Variants in RPS6KC1 observed in about 807,000 individuals in gnomAD.
The protein encoded by RPS6KC1 is inactive ribosomal protein S6 kinase delta-1.
Under a neutral mutation model 103.8 loss-of-function variants are expected in RPS6KC1, and 54 were observed. The observed-to-expected ratio is 0.52, with a 90% CI of 0.42 to 0.65. The LOEUF (loss-of-function observed/expected upper bound fraction) is 0.65. Among genes scored for constraint, RPS6KC1 ranks in the 30% least tolerant of loss-of-function variants. The pLI, the probability that RPS6KC1 is intolerant of heterozygous loss-of-function variation, is 0.00. For synonymous variants in RPS6KC1, 439 were observed against 438.7 expected, an observed-to-expected ratio of 1.00 and a Z score of -0.01; for missense variants, 1,151 against 1,253.8, an observed-to-expected ratio of 0.92 and a Z score of 1.24.
chr1:213,163,131 A>AG (rs993861298), intron 6 of RPS6KC1, among the ~76,000 whole-genome samples: 1 of 152,242 alleles, frequency 6.6e-6, no homozygotes, highest in Non-Finnish European at 1.5e-5. Context: ...CTTAAAAAAA[A>AG]CTAACTGTAA....
At chr1:213,217,862 G>A (rs2093709806) in intron 8 of RPS6KC1, among the ~76,000 whole-genome samples, 1 of 152,174 alleles carries the variant, frequency 6.6e-6, no homozygotes, top group Admixed American at 6.5e-5. Context: ...AGGTATTGAT[G>A]GGATGTATCT....
the RPS6KC1 span, among the ~76,000 whole-genome samples, chr1:213,577,308 A>G: frequency 1.4e-4 from 22 of 152,196 alleles, no homozygotes; most frequent in Non-Finnish European, 2.5e-4. Context: ...TCCCCAAGCC[A>G]TGTGGAACTG....
the RPS6KC1 span, among the ~76,000 whole-genome samples, chr1:213,784,975 T>TA: frequency 4.0e-4 from 60 of 151,094 alleles, no homozygotes; most frequent in African/African-American, 8.7e-4. Flanking sequence ...TTTTCAGAAG[T>TA]AAAAAAAAAT....
At chr1:213,696,821 G>T in the RPS6KC1 span, among the ~76,000 whole-genome samples, 1 of 152,084 alleles carries the variant, frequency 6.6e-6, no homozygotes, top group East Asian at 1.9e-4. Flanking sequence ...CATCCATCAA[G>T]CAGGCATTTC....
chr1:213,737,491 C>T, the RPS6KC1 span, among the ~76,000 whole-genome samples: 2 of 152,168 alleles, frequency 1.3e-5, no homozygotes, highest in African/African-American at 4.8e-5. Flanking sequence ...AACATGGGGA[C>T]AAGTGTGAAT....
At chr1:213,349,270 T>A in the RPS6KC1 span, among the ~76,000 whole-genome samples, 14 of 152,206 alleles carry the variant, frequency 9.2e-5, no homozygotes, top group African/African-American at 2.4e-4. Flanking sequence ...ATTATTGACA[T>A]TTCAAAGCAG....
At chr1:213,182,802 T>C (rs1181183026) in intron 8 of RPS6KC1, among the ~76,000 whole-genome samples, 4 of 148,476 alleles carry the variant, frequency 2.7e-5, no homozygotes, top group African/African-American at 7.4e-5. Context: ...ATATATTTTA[T>C]ATATCACATG....
At chr1:213,085,120 A>G (rs576467901) in intron 3 of RPS6KC1, among the ~76,000 whole-genome samples, 1 of 152,306 alleles carries the variant, frequency 6.6e-6, no homozygotes, top group African/African-American at 2.4e-5. Context: ...GTTGGCAGGG[A>G]TGCTCTCTTT....
chr1:213,256,221 G>A (rs1202405959), intron 12 of RPS6KC1, among the ~76,000 whole-genome samples: 1 of 152,156 alleles, frequency 6.6e-6, no homozygotes, highest in African/African-American at 2.4e-5. Flanking sequence ...TATCTGAGAG[G>A]AGGCAAGAAA....
chr1:213,289,168 G>T, the RPS6KC1 span, among the ~76,000 whole-genome samples: 9 of 141,536 alleles, frequency 6.4e-5, no homozygotes, highest in Admixed American at 1.6e-4. Context: ...AGTTCTTTCC[G>T]TCCTGGAATT....
intron 3 of RPS6KC1, among the ~76,000 whole-genome samples, chr1:213,098,281 C>A (rs969721347): frequency 6.7e-6 from 1 of 149,872 alleles, no homozygotes; most frequent in African/African-American, 2.5e-5. Context: ...ATACTACAGG[C>A]ATGTGCCACC....
At chr1:213,193,018 C>A (rs1002235244) in intron 8 of RPS6KC1, among the ~76,000 whole-genome samples, 2 of 151,152 alleles carry the variant, frequency 1.3e-5, no homozygotes, top group African/African-American at 4.8e-5. Flanking sequence ...TCTCTTGTTA[C>A]TGATTTCTAG....
At chr1:213,152,176 G>A (rs577595763) in intron 6 of RPS6KC1, among the ~76,000 whole-genome samples, 22 of 143,098 alleles carry the variant, frequency 1.5e-4, no homozygotes, top group Non-Finnish European at 2.3e-4. Context: ...CTGGCCGGGC[G>A]GGGGGCTGAC....
chr1:213,363,568 G>A, the RPS6KC1 span, among the ~76,000 whole-genome samples: 2 of 151,886 alleles, frequency 1.3e-5, no homozygotes, highest in African/African-American at 4.8e-5. Context: ...GAGAAACAAA[G>A]GGCAAAATTT....
chr1:213,226,192 C>T (rs1282817476), intron 8 of RPS6KC1, among the ~76,000 whole-genome samples: 3 of 145,442 alleles, frequency 2.1e-5, no homozygotes, highest in African/African-American at 5.0e-5. Flanking sequence ...CACTGCACTC[C>T]AGCCTGGGCA....
At chr1:213,383,451 G>A in the RPS6KC1 span, among the ~76,000 whole-genome samples, 15 of 152,226 alleles carry the variant, frequency 9.9e-5, no homozygotes, top group East Asian at 2.7e-3. Flanking sequence ...TAGACCTTTG[G>A]GATGACTGCC....
At chr1:213,309,070 T>C in the RPS6KC1 span, among the ~76,000 whole-genome samples, 1 of 151,876 alleles carries the variant, frequency 6.6e-6, no homozygotes, top group Non-Finnish European at 1.5e-5. Context: ...GGTGGGTGGA[T>C]CACGAGGTCA....
chr1:213,717,776 G>A, the RPS6KC1 span, among the ~76,000 whole-genome samples: 1 of 152,190 alleles, frequency 6.6e-6, no homozygotes, highest in Non-Finnish European at 1.5e-5. Flanking sequence ...AGAATGATGA[G>A]TATATTTTAG....
chr1:213,593,067 TGTTC>T, the RPS6KC1 span, among the ~76,000 whole-genome samples: 2 of 114,772 alleles, frequency 1.7e-5, no homozygotes, highest in Non-Finnish European at 3.8e-5. Context: ...TTACAAACAG[TGTTC>T]AGCAATGGCA....
Sources: gnomAD v4.1 joint callset for allele counts (sites outside exome capture counted in the v4.1 genomes callset) on GRCh38, gnomAD v4.1.1 for gene constraint, MANE v1.5 for transcripts, NCBI Gene and HGNC (gene_info 2026-07-23, HGNC 2026-07-21) for gene names.